Variants in SP1 observed in about 807,000 individuals in gnomAD.
SP1 encodes Sp1 transcription factor.
A neutral mutation model predicts 66.3 loss-of-function variants in SP1; 6 were observed. That is an observed-to-expected ratio of 0.09 (90% CI 0.05 to 0.18). SP1 has a LOEUF of 0.18. Among genes scored for constraint, SP1 ranks in the 10% least tolerant of loss-of-function variants. SP1 has a pLI of 1.00. For missense variants in SP1, 848 were observed against 964.5 expected, an observed-to-expected ratio of 0.88 and a Z score of 1.60; for synonymous variants, 417 against 360.8, an observed-to-expected ratio of 1.16 and a Z score of -1.77.
intron 3 of SP1, 115 bp from the exon 4 acceptor site, chr12:53,406,470 T>C (rs1162629906): frequency 4.7e-6 from 4 of 847,492 alleles, no homozygotes; most frequent in Non-Finnish European, 7.5e-6. Context: ...CTTGTGATAC[T>C]GTGAATGTAG....
At chr12:53,399,642 AT>A (rs57026621) in intron 3 of SP1, among the ~76,000 whole-genome samples, 25,800 of 101,128 alleles carry the variant, frequency 0.26, 2,340 homozygotes, top group African/African-American at 0.29. Context: ...TATTTGTTTT[AT>A]TTTTTTTTTT....
At position 53,382,573 on chromosome 12, in the gene SP1, G is replaced by A. The variant is rs1400106676; in HGVS notation, c.626G>A (p.Gly209Asp). The change falls in exon 3 of 6, where the codon GGT becomes GAT. Residue 209 changes from glycine to aspartate, a missense_variant. Around this residue, in one of 7 missense-constraint regions of SP1, gnomAD observed 606 missense variants for 589.9 expected, o/e 1.03. Transcript: ENST00000327443. ...TCTGGTCAAATACAGATCATACCAG[G>A]TGCAAACCAACAGATTATCACAAAT... The part of the protein sequence containing the change: ...DGSGQIQIIP[G>D]ANQQIITNRG... 1.2e-6 allele frequency: 2 copies of A among 1,614,132 alleles called. No homozygotes were observed. The highest frequency in any genetic ancestry group is 2.2e-5 in the South Asian group (2 of 91,088).
In SP1 at chr12:53,413,464, T is replaced by C. The variant is rs1255271203; in HGVS notation, c.*2224T>C. The C allele has an allele frequency of 6.6e-6, 1 of 152,644 alleles. No homozygotes were observed. Among genetic ancestry groups the C allele is most frequent in the Non-Finnish European group, 1.5e-5 (1 of 68,038 alleles). 9.5% of individuals were successfully genotyped at this position (152,644 alleles called of 1,614,324 possible). A position where few individuals can be genotyped will look rare whatever the true frequency, so the allele number is the denominator to read the frequency against. ...TAAGTGTGTTGTTTAATCTGAACTA[T>C]AGTAACTTAATACTCTAAACAATAG... is the stretch of plus-strand genomic sequence containing the variant. On this transcript the variant is annotated 3_prime_UTR_variant, in exon 6 of 6. Transcript: ENST00000327443.
intron 2 of SP1, 144 bp downstream of exon 2, chr12:53,381,957 A>ACCTTTCC: frequency 8.4e-7 from 1 of 1,188,210 alleles, no homozygotes; most frequent in Admixed American, 2.6e-5. Context: ...ATCCCCAAAG[A>ACCTTTCC]CAAAGGAGTT....
chr12:53,383,132 G>A lies in SP1; in HGVS notation c.1185G>A (p.Gln395=). The A allele has an allele frequency of 1.9e-6, 3 of 1,614,214 alleles. No homozygotes were observed. The highest frequency in any genetic ancestry group is 1.7e-6 in the Non-Finnish European group (2 of 1,180,042). The change falls in exon 3 of 6, where the codon CAG becomes CAA. Residue 395 remains glutamine, a synonymous_variant. Transcript: ENST00000327443. ...QKEGEQNQQT[Q]QQQILIQPQL... is the part of the protein sequence containing the mutation. ...AAGGAGAGCAAAACCAGCAGACACA[G>A]CAGCAACAAATTCTTATCCAGCCTC...
intron 3 of SP1, among the ~76,000 whole-genome samples, chr12:53,403,668 A>G (rs368518159): frequency 6.6e-6 from 1 of 152,060 alleles, no homozygotes. Flanking sequence ...CATATTAAAT[A>G]TATGGATAGA....
chr12:53,386,426 TATTA>T (rs951264435), intron 3 of SP1, among the ~76,000 whole-genome samples: 4 of 152,162 alleles, frequency 2.6e-5, no homozygotes, highest in African/African-American at 9.6e-5. Flanking sequence ...AATGTTTCAC[TATTA>T]ATTTGAAATT....
intron 1 of SP1, 78 bp downstream of exon 1, chr12:53,380,376 C>T (rs1938054464): frequency 3.2e-6 from 4 of 1,254,502 alleles, no homozygotes; most frequent in East Asian, 3.1e-5. Context: ...GGGCGATCCC[C>T]GCCGTGAAGC....
rs772119460 is a variant in SP1 at position 53,410,982 on chromosome 12, C to T, written c.2100C>T (p.His700=). 1 of 1,614,176 alleles carries T rather than the reference C, an allele frequency of 6.2e-7. No homozygotes were observed. Among genetic ancestry groups the T allele is most frequent in the South Asian group, 1.1e-5 (1 of 91,084 alleles). The change falls in exon 6 of 6, where the codon CAC becomes CAT. Residue 700 remains histidine (H), a synonymous_variant. Coordinates refer to ENST00000327443, the MANE Select transcript of SP1 (RefSeq NM_138473.3). ...CTAAGCGCTTCATGAGGAGTGACCA[C>T]CTGTCAAAACATATCAAGACCCACC... ...ECPKRFMRSD[H]LSKHIKTHQN... is the part of the protein sequence containing the mutation.
chr12:53,397,579 CTTTTTTTTTCTT>C (rs142756536), intron 3 of SP1, among the ~76,000 whole-genome samples: 25,905 of 143,998 alleles, frequency 0.18, 2,416 homozygotes, highest in Admixed American at 0.2. Context: ...ACTCTTTTTC[CTTTTTTTTTCTT>C]TTTTTTTTTT....
Position 53,381,651 on chromosome 12 carries a change from T to C in SP1, c.8-8T>C, listed in dbSNP as rs1409640905. On this transcript the variant is annotated splice_polypyrimidine_tract_variant and splice_region_variant and intron_variant, in intron 1 of 5. Transcript: ENST00000327443. ...AAGTTTACGTTGTTTGTTTTTTAAT[T>C]ATTTTAGACCAAGATCACTCCATGG... is the stretch of plus-strand genomic sequence containing the variant. 1 of 1,594,502 alleles carries C rather than the reference T, an allele frequency of 6.3e-7. No individual in the cohort carries two copies. The highest frequency in any genetic ancestry group is 8.5e-7 in the Non-Finnish European group (1 of 1,172,072).
At chr12:53,390,884 C>G (rs1184684641) in intron 3 of SP1, among the ~76,000 whole-genome samples, 2 of 152,200 alleles carry the variant, frequency 1.3e-5, no homozygotes, top group East Asian at 3.9e-4. Flanking sequence ...GTTTCAGAAA[C>G]GTTTAGTATC....
At chr12:53,388,827 A>C (rs1938284431) in intron 3 of SP1, among the ~76,000 whole-genome samples, 1 of 152,014 alleles carries the variant, frequency 6.6e-6, no homozygotes, top group Non-Finnish European at 1.5e-5. Context: ...AAAAAATATG[A>C]AAATTACCTG....
intron 3 of SP1, among the ~76,000 whole-genome samples, chr12:53,390,463 G>T (rs2694846): frequency 0.13 from 19,423 of 152,028 alleles, 4,142 homozygotes; most frequent in African/African-American, 0.44. Context: ...CGGGTGGACT[G>T]CCTGAGCTCA....
intron 3 of SP1, among the ~76,000 whole-genome samples, chr12:53,391,344 G>GTTTTT (rs1938345899): frequency 5.6e-5 from 6 of 106,448 alleles, no homozygotes; most frequent in African/African-American, 1.0e-4. Context: ...TTTAAGTAAT[G>GTTTTT]TCTTTTTTTT....
chr12:53,380,437 G>A, intron 1 of SP1, 139 bp downstream of exon 1: 1 of 702,216 alleles, frequency 1.4e-6, no homozygotes, highest in Non-Finnish European at 2.0e-6. Flanking sequence ...CGCCCGGGGC[G>A]GAGGGAAGGG....
rs1237728894 is a variant in SP1 at position 53,382,370 on chromosome 12, A to G, written c.423A>G (p.Thr141=). The G allele has an allele frequency of 1.9e-6, 3 of 1,614,190 alleles. No individual in the cohort carries two copies. In the African/African-American group the frequency reaches 4.0e-5, roughly 22 times the overall value. Residue 141 remains threonine (T), a synonymous_variant, in exon 3 of 6, where the codon ACA becomes ACG. Coordinates refer to ENST00000327443, the MANE Select transcript of SP1 (RefSeq NM_138473.3). ...GCAGTGAGTCTTCCAAGAATCGCAC[A>G]GTCTCTGGTGGGCAGTATGTTGTGG... The part of the protein sequence containing the change: ...SNGSESSKNR[T]VSGGQYVVAA...
intron 3 of SP1, among the ~76,000 whole-genome samples, chr12:53,395,529 A>G (rs1938469021): frequency 6.6e-6 from 1 of 152,210 alleles, no homozygotes; most frequent in African/African-American, 2.4e-5. Context: ...GTAATAAATT[A>G]CTAGCAGGCT....
At chr12:53,408,092 CA>C (rs1363581241) in intron 4 of SP1, among the ~76,000 whole-genome samples, 15 of 144,670 alleles carry the variant, frequency 1.0e-4, no homozygotes, top group African/African-American at 3.2e-4. Flanking sequence ...ACTAAAAGTA[CA>C]AAAATTAACC....
Sources: allele counts gnomAD v4.1 joint callset (sites outside exome capture counted in the v4.1 genomes callset), GRCh38; gene constraint gnomAD v4.1.1; regional missense constraint gnomAD v4.1.1; transcripts MANE v1.5; gene names NCBI Gene and HGNC (gene_info 2026-07-23, HGNC 2026-07-21).